The following NUP188 variants were observed in gnomAD, a reference collection of about 807,000 sequenced individuals.
The protein encoded by NUP188 is nucleoporin NUP188.
Under a neutral mutation model 223.0 loss-of-function variants are expected in NUP188, and 97 were observed. That is an observed-to-expected ratio of 0.43 (90% CI 0.37 to 0.51). The LOEUF (loss-of-function observed/expected upper bound fraction) is 0.51. Among genes scored for constraint, NUP188 ranks in the 20% least tolerant of loss-of-function variants. The pLI is 0.00. For synonymous variants in NUP188, 869 were observed against 828.0 expected (o/e 1.05, Z -0.85); for missense variants, 1,947 against 2,175.6 (o/e 0.89, Z 2.09).
At position 128,949,224 on chromosome 9, in the gene NUP188, G is replaced by A. The variant is rs758802953; in HGVS notation, c.68G>A (p.Arg23Lys). The A allele has an allele frequency of 1.6e-5, 26 of 1,613,026 alleles. No individual in the cohort carries two copies. Among genetic ancestry groups the A allele is most frequent in the Non-Finnish European group, 1.8e-5 (21 of 1,179,274 alleles). ...SRELWTILLG[R>K]SALRELSQIE... ...GAACTGTGGACTATTCTGCTTGGAA[G>A]GTCAGCTCTGAGAGAGCTGGTAAGT... Residue 23 changes from arginine to lysine, a missense_variant, in exon 2 of 44, where the codon AGG becomes AAG. By Grantham distance (26) the Arg-to-Lys change is conservative (BLOSUM62 2). Transcript: ENST00000372577.
chr9:128,953,978 C>A (rs765690782), intron 3 of NUP188, among the ~76,000 whole-genome samples: 17 of 151,772 alleles, frequency 1.1e-4, no homozygotes, highest in Non-Finnish European at 2.1e-4. Context: ...TACAGGTGCC[C>A]GCCACCACGC....
At chr9:128,989,520 G>A (rs1282218165) in intron 24 of NUP188, among the ~76,000 whole-genome samples, 2 of 152,170 alleles carry the variant, frequency 1.3e-5, no homozygotes, top group Non-Finnish European at 2.9e-5. Flanking sequence ...CCAACACAGT[G>A]AAACCCCATC....
Position 129,002,979 on chromosome 9 carries a change from A to C in NUP188, c.4296+4A>C. Reference sequence around the variant, plus strand: ...CCACCAGGAGCGGACCTTACAGGTGAGGGGCTGCCTGCATTGCAGGGGTGG... The same window carrying C: ...CCACCAGGAGCGGACCTTACAGGTGCGGGGCTGCCTGCATTGCAGGGGTGG... On this transcript the variant is annotated splice_donor_region_variant and intron_variant, in intron 37 of 43. Transcript: ENST00000372577. 6.2e-7 allele frequency: 1 copy of C among 1,613,716 alleles called. No individual in the cohort carries two copies. The highest frequency in any genetic ancestry group is 1.1e-5 in the South Asian group (1 of 91,064).
chr9:128,977,542 G>T (rs1842193497), intron 12 of NUP188, among the ~76,000 whole-genome samples: 1 of 152,182 alleles, frequency 6.6e-6, no homozygotes, highest in Admixed American at 6.5e-5. Context: ...AGGCACAGTG[G>T]CTCATGTCTG....
Position 128,982,704 on chromosome 9 carries a change from A to G in NUP188, c.1669+3A>G, listed in dbSNP as rs748821373. 3 of 1,613,450 alleles carry G rather than the reference A, an allele frequency of 1.9e-6. No individual in the cohort carries two copies. The highest frequency in any genetic ancestry group is 2.2e-5 in the South Asian group (2 of 90,908). On this transcript the variant is annotated splice_donor_region_variant and intron_variant, in intron 16 of 43. Transcript: ENST00000372577. ...GCTTCATGTTGTTTCAACTGCAGGTAAGGTCAGCTTTCGGAAACATCACCT... is the reference window on the plus strand; with the variant it reads ...GCTTCATGTTGTTTCAACTGCAGGTGAGGTCAGCTTTCGGAAACATCACCT...
Position 128,999,389 on chromosome 9 carries a change from T to C in NUP188, c.3661+72T>C, listed in dbSNP as rs1842595967. 3.8e-6 allele frequency: 6 copies of C among 1,562,984 alleles called. No individual in the cohort carries two copies. The South Asian group carries it at 5.8e-5, about 15-fold the overall frequency. ...CTGCTGACAGCCAGGCAGGGCTTCCTTCAGCTTAGGGCCACACATTTCTTC... is the reference window on the plus strand; with the variant it reads ...CTGCTGACAGCCAGGCAGGGCTTCCCTCAGCTTAGGGCCACACATTTCTTC... On this transcript the variant is annotated intron_variant, in intron 33 of 43. Transcript: ENST00000372577.
intron 34 of NUP188, 133 bp downstream of exon 34, chr9:128,999,938 A>C (rs1222346499): frequency 1.3e-6 from 1 of 796,206 alleles, no homozygotes; most frequent in African/African-American, 1.7e-5. Flanking sequence ...GGGAAAGGTT[A>C]ATAGATCAGA....
intron 8 of NUP188, among the ~76,000 whole-genome samples, chr9:128,961,929 C>T (rs1189086831): frequency 6.9e-6 from 1 of 144,800 alleles, no homozygotes; most frequent in Non-Finnish European, 1.5e-5. Context: ...CGGCCTAGGA[C>T]ATACCATACT....
At chr9:128,996,685 A>G (rs1278474144) in intron 30 of NUP188, among the ~76,000 whole-genome samples, 2 of 152,156 alleles carry the variant, frequency 1.3e-5, no homozygotes, top group Non-Finnish European at 2.9e-5. Context: ...TTGATTCCCC[A>G]GGGTATAACC....
chr9:128,995,892 G>A (rs547027345), intron 30 of NUP188, among the ~76,000 whole-genome samples: 2 of 152,188 alleles, frequency 1.3e-5, no homozygotes, highest in African/African-American at 4.8e-5. Context: ...TGACTAGTCA[G>A]CAGGGAGCTG....
intron 27 of NUP188, 29 bp from the exon 28 acceptor site, chr9:128,994,344 A>G (rs866433464): frequency 3.1e-5 from 47 of 1,512,464 alleles, no homozygotes; most frequent in Middle Eastern, 3.4e-4. Flanking sequence ...GGAAAAAGTT[A>G]TGATTTCAAA....
chr9:128,965,949 C>T (rs761179609), intron 8 of NUP188, among the ~76,000 whole-genome samples: 5 of 151,374 alleles, frequency 3.3e-5, no homozygotes, highest in Non-Finnish European at 7.4e-5. Flanking sequence ...AGGCGCCCAC[C>T]ACCACGCCCA....
intron 12 of NUP188, among the ~76,000 whole-genome samples, chr9:128,978,970 A>C (rs1463859848): frequency 1.3e-5 from 2 of 152,196 alleles, no homozygotes; most frequent in Non-Finnish European, 2.9e-5. Flanking sequence ...CTTGCCTCCC[A>C]AAGTGTTAGG....
intron 14 of NUP188, 44 bp downstream of exon 14, chr9:128,980,769 T>C (rs2131164947): frequency 6.3e-7 from 1 of 1,598,730 alleles, no homozygotes; most frequent in Non-Finnish European, 8.5e-7. Flanking sequence ...GGAGATTCTT[T>C]ATGGAGACTT....
In NUP188 at chr9:128,982,573, C is replaced by T; in HGVS notation, c.1541C>T (p.Pro514Leu). 1 of 1,613,852 alleles carries T rather than the reference C, an allele frequency of 6.2e-7. No individual in the cohort carries two copies. The highest frequency in any genetic ancestry group is 8.5e-7 in the Non-Finnish European group (1 of 1,179,906). ...GGGGGTCAAACCAACCTTCGCATAC[C>T]TCAAGGCACTGTGGGCCAAGTAATG... ...PLGGQTNLRI[P>L]QGTVGQVMLD... Residue 514 changes from proline (P) to leucine (L), a missense_variant, in exon 16 of 44, where the codon CCT (proline) becomes CTT (leucine). Physicochemically the swap from Pro to Leu is moderately conservative, Grantham distance 98. Coordinates refer to ENST00000372577, the MANE Select transcript of NUP188 (RefSeq NM_015354.3).
intron 25 of NUP188, among the ~76,000 whole-genome samples, chr9:128,991,354 A>T (rs373151393): frequency 6.6e-6 from 1 of 151,976 alleles, no homozygotes. Context: ...CGTGGCCAAG[A>T]TGGTGAAACC....
chr9:128,988,858 C>G (rs1800919719), intron 24 of NUP188, among the ~76,000 whole-genome samples: 1 of 150,558 alleles, frequency 6.6e-6, no homozygotes, highest in Non-Finnish European at 1.5e-5. Flanking sequence ...TCCCGAGTAG[C>G]TGGGATTACA....
intron 30 of NUP188, among the ~76,000 whole-genome samples, chr9:128,997,902 G>A (rs558299967): frequency 3.9e-5 from 6 of 151,980 alleles, no homozygotes; most frequent in Admixed American, 3.3e-4. Flanking sequence ...TGTATTTTTA[G>A]TAGAGACAGG....
chr9:128,958,143 C>A, intron 6 of NUP188, 89 bp downstream of exon 6: 1 of 1,030,946 alleles, frequency 9.7e-7, no homozygotes, highest in Non-Finnish European at 1.5e-6. Flanking sequence ...TGGCTTTTGA[C>A]TCTTTGTTGG....
Sources: allele counts gnomAD v4.1 joint callset (sites outside exome capture counted in the v4.1 genomes callset), GRCh38; gene constraint gnomAD v4.1.1; transcripts MANE v1.5; gene names NCBI Gene and HGNC (gene_info 2026-07-23, HGNC 2026-07-21).